KIF6: variants seen among roughly 807,000 people sequenced by gnomAD.
The protein encoded by KIF6 is kinesin family member 6.
A neutral mutation model predicts 112.7 loss-of-function variants in KIF6; 106 were observed. The observed-to-expected ratio is 0.94, with a 90% CI of 0.80 to 1.11. The LOEUF (loss-of-function observed/expected upper bound fraction) is 1.11. KIF6 is among the 50% of genes least tolerant of loss of function. The probability of loss-of-function intolerance (pLI) is 0.00; values close to 1 mark genes in which losing one functional copy is unlikely to be tolerated. For missense variants in KIF6, 929 were observed against 964.0 expected, an observed-to-expected ratio of 0.96 and a Z score of 0.48; for synonymous variants, 339 against 339.9, an observed-to-expected ratio of 1.00 and a Z score of 0.03.
chr6:39,345,903 A>T, intron 20 of KIF6, 114 bp from the exon 21 acceptor site: 1 of 710,266 alleles, frequency 1.4e-6, no homozygotes, highest in East Asian at 2.7e-5. Flanking sequence ...CAAAATCCCT[A>T]TGTGGACACC....
chr6:39,468,180 A>G (rs1312801198), intron 13 of KIF6, among the ~76,000 whole-genome samples: 7 of 152,108 alleles, frequency 4.6e-5, no homozygotes, highest in Non-Finnish European at 1.0e-4. Flanking sequence ...GCAAAGAAAA[A>G]AAAAAGAATA....
chr6:39,543,001 T>C (rs1778869454), intron 12 of KIF6, among the ~76,000 whole-genome samples: 1 of 152,176 alleles, frequency 6.6e-6, no homozygotes. Flanking sequence ...TAACCCCACA[T>C]GAATGGTGAT....
chr6:39,702,203 T>A (rs1788914524), intron 3 of KIF6, among the ~76,000 whole-genome samples: 1 of 152,192 alleles, frequency 6.6e-6, no homozygotes, highest in Admixed American at 6.5e-5. Flanking sequence ...TCTACCTGAA[T>A]GCCTTTCAGC....
intron 13 of KIF6, among the ~76,000 whole-genome samples, chr6:39,537,873 A>C (rs1778538601): frequency 6.6e-6 from 1 of 152,228 alleles, no homozygotes; most frequent in Non-Finnish European, 1.5e-5. Context: ...ACAGAGATAT[A>C]GACCAATGGA....
intron 10 of KIF6, among the ~76,000 whole-genome samples, chr6:39,565,110 G>A (rs139389306): frequency 7.2e-6 from 1 of 138,494 alleles, no homozygotes; most frequent in Admixed American, 7.3e-5. Flanking sequence ...CTGAGAGAGC[G>A]TAGGCTTGCT....
rs1035696200 is a variant in KIF6, at chr6:39,544,627, A to C, written c.1354T>G (p.Cys452Gly). ...TCTTCTTCTTTTAATGGTTCTTGAC[A>C]ATCTTGGTCTTTGCTTTCAGAGGAG... ...TVSSESKDQD[C>G]QEPLKEEEYR... Residue 452 changes from cysteine (C) to glycine (G), a missense_variant, in exon 12 of 23, where the codon TGT becomes GGT. By Grantham distance (159) the Cys-to-Gly change is radical. This residue lies in a region of KIF6 where 688 missense variants were observed against 662.7 expected (regional missense o/e 1.04). Coordinates refer to ENST00000287152, the MANE Select transcript of KIF6 (RefSeq NM_145027.6). 18 of 1,612,314 alleles carry C rather than the reference A, an allele frequency of 1.1e-5. No individual in the cohort carries two copies. The highest frequency in any genetic ancestry group is 1.5e-5 in the Non-Finnish European group (18 of 1,178,902).
In KIF6 at chr6:39,383,484, A is replaced by G. The variant is rs570406962; in HGVS notation, c.1861+2138T>C. Among the ~76,000 whole-genome samples the G allele has an allele frequency of 3.2e-4, 49 of 152,144 alleles. No individual in the cohort carries two copies. In the South Asian group the frequency reaches 1.0e-2, roughly 31 times the overall value. On this transcript the variant is annotated intron_variant, in intron 16 of 22. Coordinates refer to ENST00000287152, the MANE Select transcript of KIF6 (RefSeq NM_145027.6). The stretch of plus-strand genomic sequence containing the variant: ...CAGTTGGTTGTAGGTGTGCAGCTTT[A>G]TTTCAGGAGTCTTTGTCTTGTTCCA...
chr6:39,346,432 C>A, intron 20 of KIF6, 44 bp downstream of exon 20: 1 of 716,750 alleles, frequency 1.4e-6, no homozygotes, highest in Non-Finnish European at 2.6e-6. Context: ...TGTGAGGATG[C>A]GTCGAGAAGA....
chr6:39,377,417 T>C (rs1238565294), intron 16 of KIF6, among the ~76,000 whole-genome samples: 5 of 142,598 alleles, frequency 3.5e-5, no homozygotes, highest in African/African-American at 1.3e-4. Flanking sequence ...CTCCATATCC[T>C]TGGATTCCCA....
chr6:39,647,011 CCTAA>C (rs1485444833), intron 3 of KIF6, among the ~76,000 whole-genome samples: 1 of 152,194 alleles, frequency 6.6e-6, no homozygotes, highest in Non-Finnish European at 1.5e-5. Flanking sequence ...GTAAATGACT[CCTAA>C]CTGTTTCACT....
intron 19 of KIF6, among the ~76,000 whole-genome samples, chr6:39,347,100 G>A (rs1189526667): frequency 6.6e-6 from 1 of 152,206 alleles, no homozygotes; most frequent in Non-Finnish European, 1.5e-5. Context: ...TGACCTAAGA[G>A]GTAGATGTCA....
At chr6:39,532,998 C>T (rs1338184259) in intron 13 of KIF6, among the ~76,000 whole-genome samples, 1 of 152,162 alleles carries the variant, frequency 6.6e-6, no homozygotes, top group Non-Finnish European at 1.5e-5. Context: ...GACTGACACA[C>T]CTTTCAAAAG....
chr6:39,661,472 G>C, intron 3 of KIF6, among the ~76,000 whole-genome samples: 1 of 152,072 alleles, frequency 6.6e-6, no homozygotes, highest in East Asian at 1.9e-4. Flanking sequence ...TATTGCCTAT[G>C]TGTAAAGAAT....
chr6:39,340,363 T>C (rs1440899239), intron 22 of KIF6, among the ~76,000 whole-genome samples: 1 of 152,174 alleles, frequency 6.6e-6, no homozygotes, highest in African/African-American at 2.4e-5. Flanking sequence ...TCGTCAATGC[T>C]GGTTCCTGTT....
intron 13 of KIF6, among the ~76,000 whole-genome samples, chr6:39,501,143 C>A (rs1776110835): frequency 1.3e-5 from 2 of 152,062 alleles, no homozygotes; most frequent in South Asian, 4.1e-4. Context: ...AATTCCCACC[C>A]CTAGCCAAAG....
rs958351729 is a variant in KIF6, at chr6:39,708,065, G to A, written c.251+6627C>T. Among the ~76,000 whole-genome samples, 8 of 152,262 alleles carry A rather than the reference G, an allele frequency of 5.3e-5. 1 individual carries two copies. In the South Asian group the frequency reaches 1.7e-3, roughly 32 times the overall value. ...CTGTCCTCCTTGTCTTGAAAGAGCAGGATCTCTTCTCTGGTTGGATTAGCA... is the reference window on the plus strand; with the variant it reads ...CTGTCCTCCTTGTCTTGAAAGAGCAAGATCTCTTCTCTGGTTGGATTAGCA... On this transcript the variant is annotated intron_variant, in intron 3 of 22. Coordinates refer to ENST00000287152, the MANE Select transcript of KIF6 (RefSeq NM_145027.6).
At chr6:39,510,775 A>T (rs1776733073) in intron 13 of KIF6, among the ~76,000 whole-genome samples, 1 of 146,072 alleles carries the variant, frequency 6.8e-6, no homozygotes, top group Non-Finnish European at 1.5e-5. Flanking sequence ...GTCAAGACCC[A>T]TTGGTGTGCT....
In KIF6 at chr6:39,539,989, T is replaced by C; in HGVS notation, c.1645+14A>G. ...TACAGACAATGAGAAATACTGGAAA[T>C]TTAGTCAACTGACCTATTTTCTTGT... On this transcript the variant is annotated intron_variant, in intron 13 of 22. Coordinates refer to ENST00000287152, the MANE Select transcript of KIF6 (RefSeq NM_145027.6). 1.3e-6 allele frequency: 2 copies of C among 1,573,914 alleles called. No homozygotes were observed. The highest frequency in any genetic ancestry group is 1.7e-6 in the Non-Finnish European group (2 of 1,159,914).
At chr6:39,358,162 C>T (rs924086721) in intron 18 of KIF6, among the ~76,000 whole-genome samples, 2 of 152,216 alleles carry the variant, frequency 1.3e-5, no homozygotes, top group African/African-American at 4.8e-5. Flanking sequence ...TAAGTCTTGG[C>T]AGAATGCCCT....
Sources: allele counts gnomAD v4.1 joint callset (sites outside exome capture counted in the v4.1 genomes callset), GRCh38; gene constraint gnomAD v4.1.1; regional missense constraint gnomAD v4.1.1; transcripts MANE v1.5; gene names NCBI Gene and HGNC (gene_info 2026-07-23, HGNC 2026-07-21).